The following MGAT5 variants were observed in gnomAD, a reference collection of about 807,000 sequenced individuals.
MGAT5 encodes alpha-1,6-mannosylglycoprotein 6-beta-N-acetylglucosaminyltransferase A.
A neutral mutation model predicts 94.3 loss-of-function variants in MGAT5; 30 were observed. The ratio of observed to expected loss-of-function variants is 0.32; its 90% CI spans 0.24 to 0.43. The LOEUF (loss-of-function observed/expected upper bound fraction) is 0.43, where lower values mean the gene tolerates loss of function less well. MGAT5 is among the 20% of genes least tolerant of loss of function. The probability of loss-of-function intolerance (pLI) is 1.00; values close to 1 mark genes in which losing one functional copy is unlikely to be tolerated. For missense variants in MGAT5, 691 were observed against 905.5 expected, an observed-to-expected ratio of 0.76 and a Z score of 3.04; for synonymous variants, 310 against 322.9, an observed-to-expected ratio of 0.96 and a Z score of 0.43.
intron 1 of MGAT5, among the ~76,000 whole-genome samples, chr2:134,177,079 A>G (rs1015587299): frequency 6.7e-6 from 1 of 150,216 alleles, no homozygotes; most frequent in Admixed American, 6.7e-5. Flanking sequence ...CCATGACCAG[A>G]TATCTGACCC....
chr2:134,313,058 A>T (rs1292811366), intron 2 of MGAT5, among the ~76,000 whole-genome samples: 3 of 139,902 alleles, frequency 2.1e-5, no homozygotes, highest in Non-Finnish European at 4.6e-5. Context: ...ACACACACAC[A>T]CACACACACA....
chr2:134,346,910 A>G (rs1208692811), intron 8 of MGAT5, among the ~76,000 whole-genome samples: 2 of 152,162 alleles, frequency 1.3e-5, no homozygotes, highest in African/African-American at 2.4e-5. Flanking sequence ...AAATTAGGGC[A>G]TGGCAAGGAG....
intron 1 of MGAT5, among the ~76,000 whole-genome samples, chr2:134,227,913 C>A (rs1354070930): frequency 3.3e-5 from 5 of 152,110 alleles, no homozygotes; most frequent in African/African-American, 1.2e-4. Flanking sequence ...GGCTGGTTGG[C>A]AGGCTTTTCA....
intron 2 of MGAT5, among the ~76,000 whole-genome samples, chr2:134,279,917 C>A (rs1394548190): frequency 6.6e-6 from 1 of 152,124 alleles, no homozygotes; most frequent in Non-Finnish European, 1.5e-5. Flanking sequence ...AACAAACTCA[C>A]TGTAGAGCCT....
chr2:134,365,953 T>C (rs1189255363), intron 10 of MGAT5, among the ~76,000 whole-genome samples: 1 of 152,098 alleles, frequency 6.6e-6, no homozygotes, highest in Non-Finnish European at 1.5e-5. Flanking sequence ...TTATAGTACA[T>C]GGTGGGGAGG....
chr2:134,199,403 C>G (rs1558983938), intron 1 of MGAT5, among the ~76,000 whole-genome samples: 1 of 152,034 alleles, frequency 6.6e-6, no homozygotes, highest in African/African-American at 2.4e-5. Context: ...GGACTGAAAG[C>G]TGTTCTTTGT....
At chr2:134,404,810 G>C (rs1426652307) in intron 11 of MGAT5, among the ~76,000 whole-genome samples, 3 of 152,074 alleles carry the variant, frequency 2.0e-5, no homozygotes, top group African/African-American at 4.8e-5. Flanking sequence ...ACTGTTTTTT[G>C]TTATCCAGGA....
At chr2:134,120,147 TGCGGCTCCCGCGGCGGCGGCCCC>T (rs1304214235), upstream of MGAT5, 1 of 154,952 alleles carries the variant, frequency 6.5e-6, no homozygotes, top group Non-Finnish European at 1.4e-5. Flanking sequence ...GCGGCGGCCC[TGCGGCTCCCGCGGCGGCGGCCCC>T]GGGCGCGATC....
intron 1 of MGAT5, among the ~76,000 whole-genome samples, chr2:134,132,539 T>C (rs1686225830): frequency 6.6e-6 from 1 of 152,268 alleles, no homozygotes; most frequent in Non-Finnish European, 1.5e-5. Context: ...ATTTTGTAAA[T>C]AAAGTTTTAT....
At chr2:134,199,473 T>C (rs1180167648) in intron 1 of MGAT5, among the ~76,000 whole-genome samples, 2 of 151,630 alleles carry the variant, frequency 1.3e-5, no homozygotes, top group Admixed American at 6.6e-5. Flanking sequence ...GGCTGCTGGC[T>C]GCAACTGTAT....
chr2:134,392,027 T>C (rs930044755), intron 10 of MGAT5, among the ~76,000 whole-genome samples: 2 of 152,122 alleles, frequency 1.3e-5, no homozygotes, highest in African/African-American at 4.8e-5. Flanking sequence ...ATAGGGTGTG[T>C]CGTGTTGGCA....
rs762648995 is a variant in MGAT5 at position 134,344,898 on chromosome 2, T to A, written c.978-32T>A. 7 of 1,603,698 alleles carry A rather than the reference T, an allele frequency of 4.4e-6. No homozygotes were observed. The Admixed American group carries it at 6.8e-5, about 16-fold the overall frequency. ...CCTTTTAAGTAAATGATTTTTCTCTTTTTTCTCCCCTCTCTTTTGCCGTTT... is the reference window on the plus strand; with the variant it reads ...CCTTTTAAGTAAATGATTTTTCTCTATTTTCTCCCCTCTCTTTTGCCGTTT... On this transcript the variant is annotated intron_variant, in intron 7 of 15. Coordinates refer to ENST00000281923, the MANE Select transcript of MGAT5 (RefSeq NM_002410.5).
chr2:134,376,375 C>G (rs930466698), intron 10 of MGAT5, among the ~76,000 whole-genome samples: 3 of 152,042 alleles, frequency 2.0e-5, no homozygotes, highest in African/African-American at 7.3e-5. Context: ...AAATGGATAT[C>G]ATTTACTGGA....
intron 1 of MGAT5, among the ~76,000 whole-genome samples, chr2:134,142,475 C>G (rs1431218794): frequency 6.6e-6 from 1 of 152,170 alleles, no homozygotes; most frequent in Non-Finnish European, 1.5e-5. Context: ...TTTGTGAGCA[C>G]TCAGGTAGTT....
upstream of MGAT5, among the ~76,000 whole-genome samples, chr2:134,250,428 G>A (rs746392389): frequency 1.3e-5 from 2 of 152,162 alleles, no homozygotes; most frequent in Non-Finnish European, 2.9e-5. Context: ...TTAGTCTAGG[G>A]CTTCCTCATT....
intron 1 of MGAT5, among the ~76,000 whole-genome samples, chr2:134,227,930 T>C (rs1461227721): frequency 1.3e-5 from 2 of 152,186 alleles, no homozygotes; most frequent in Non-Finnish European, 2.9e-5. Context: ...TTCACTCACC[T>C]GCCAGACATT....
chr2:134,316,271 C>T (rs1322438245), intron 2 of MGAT5, among the ~76,000 whole-genome samples: 1 of 152,148 alleles, frequency 6.6e-6, no homozygotes, highest in Admixed American at 6.5e-5. Flanking sequence ...CATTTGAAGC[C>T]TTTCCTGTTG....
At chr2:134,182,278 A>G (rs1424359013) in intron 1 of MGAT5, among the ~76,000 whole-genome samples, 2 of 152,226 alleles carry the variant, frequency 1.3e-5, no homozygotes, top group East Asian at 3.8e-4. Context: ...GTTGTCATCT[A>G]TGATAGCTAT....
intron 9 of MGAT5, among the ~76,000 whole-genome samples, chr2:134,358,697 T>C (rs1421319778): frequency 6.6e-6 from 1 of 152,248 alleles, no homozygotes; most frequent in African/African-American, 2.4e-5. Context: ...CAGAGATTTA[T>C]GCAGTTGAAA....
Sources: allele counts gnomAD v4.1 joint callset (sites outside exome capture counted in the v4.1 genomes callset), GRCh38; gene constraint gnomAD v4.1.1; transcripts MANE v1.5; gene names NCBI Gene and HGNC (gene_info 2026-07-23, HGNC 2026-07-21).